The following ZNF69 variants were observed in gnomAD, a reference collection of about 807,000 sequenced individuals.
The protein encoded by ZNF69 is ZNF3.
ZNF69 carries 47 observed loss-of-function variants against 50.9 expected under a neutral mutation model. The ratio of observed to expected loss-of-function variants is 0.92; its 90% confidence interval spans 0.73 to 1.18. The LOEUF is 1.18. Among genes scored for constraint, ZNF69 ranks in the 50% most tolerant of loss-of-function variants. The pLI is 0.00. For synonymous variants in ZNF69, 216 were observed against 223.1 expected (o/e 0.97, Z 0.29); for missense variants, 717 against 675.1 (o/e 1.06, Z -0.69).
the ZNF69 span, among the ~76,000 whole-genome samples, chr19:11,928,888 T>C: frequency 6.8e-6 from 1 of 147,818 alleles, no homozygotes; most frequent in African/African-American, 2.7e-5. Flanking sequence ...AAGACCAGCC[T>C]GGGCAACATA....
At chr19:11,951,393 T>G in the ZNF69 span, among the ~76,000 whole-genome samples, 1 of 151,688 alleles carries the variant, frequency 6.6e-6, no homozygotes, top group Non-Finnish European at 1.5e-5. Context: ...CTCACCCAGC[T>G]AGTATTCGTA....
chr19:11,903,486 C>A (rs1473827663), intron 1 of ZNF69, 87 bp from the exon 2 acceptor site: 9 of 1,572,422 alleles, frequency 5.7e-6, no homozygotes, highest in Non-Finnish European at 7.7e-6. Context: ...GAGTCCACGG[C>A]ATCCTGAGAA....
chr19:11,960,266 C>T, the ZNF69 span, among the ~76,000 whole-genome samples: 7 of 152,290 alleles, frequency 4.6e-5, no homozygotes, highest in South Asian at 2.1e-4. Context: ...GATCTGCCCG[C>T]CTTGGCCTCC....
chr19:11,968,623 A>T, the ZNF69 span, among the ~76,000 whole-genome samples: 1 of 152,086 alleles, frequency 6.6e-6, no homozygotes, highest in African/African-American at 2.4e-5. Flanking sequence ...TTTCCTTTTC[A>T]ATTTAAAAAA....
At chr19:11,940,659 G>C in the ZNF69 span, among the ~76,000 whole-genome samples, 6 of 152,292 alleles carry the variant, frequency 3.9e-5, no homozygotes, top group East Asian at 9.6e-4. Context: ...AGCTTCCACA[G>C]TGTGGAAGGG....
chr19:11,972,724 T>G, the ZNF69 span, among the ~76,000 whole-genome samples: 2 of 152,192 alleles, frequency 1.3e-5, no homozygotes, highest in Non-Finnish European at 2.9e-5. Context: ...AGTGGTTGTT[T>G]GCCCAAAACG....
chr19:11,949,830 T>G, the ZNF69 span: 6 of 1,592,094 alleles, frequency 3.8e-6, no homozygotes, highest in Middle Eastern at 1.7e-4. Flanking sequence ...AAGCCTTCAG[T>G]TGTGCCTCAA....
chr19:11,966,635 G>T, the ZNF69 span, among the ~76,000 whole-genome samples: 1 of 152,088 alleles, frequency 6.6e-6, no homozygotes, highest in Non-Finnish European at 1.5e-5. Flanking sequence ...CGGCCTCCCA[G>T]TGTGCGGGGA....
At chr19:11,962,534 A>T in the ZNF69 span, among the ~76,000 whole-genome samples, 1 of 151,998 alleles carries the variant, frequency 6.6e-6, no homozygotes, top group South Asian at 2.1e-4. Context: ...CTGTTTTTAA[A>T]TTTTTTTGTA....
At chr19:11,902,382 A>T (rs966413855) in intron 1 of ZNF69, among the ~76,000 whole-genome samples, 1 of 152,072 alleles carries the variant, frequency 6.6e-6, no homozygotes, top group South Asian at 2.1e-4. Flanking sequence ...GGGTGGCTGC[A>T]TTGCTCATTA....
At chr19:11,895,711 A>T (rs948096335) in intron 1 of ZNF69, among the ~76,000 whole-genome samples, 7 of 152,238 alleles carry the variant, frequency 4.6e-5, no homozygotes, top group African/African-American at 1.7e-4. Context: ...AGTTAAATCC[A>T]TAAAGAAAAT....
the ZNF69 span, among the ~76,000 whole-genome samples, chr19:11,954,164 A>G: frequency 8.5e-5 from 13 of 152,180 alleles, no homozygotes; most frequent in South Asian, 2.7e-3. Context: ...CCCACCCAAC[A>G]ATAAGACAAA....
chr19:11,955,787 G>A, the ZNF69 span, among the ~76,000 whole-genome samples: 49 of 152,222 alleles, frequency 3.2e-4, 1 homozygote, highest in South Asian at 9.6e-3. Context: ...AACTTGTAAC[G>A]GTGGATAACT....
At chr19:11,979,816 A>T in the ZNF69 span, 2 of 1,571,328 alleles carry the variant, frequency 1.3e-6, no homozygotes, top group African/African-American at 1.4e-5. Context: ...AATGTGGGAA[A>T]GCCTTCAGAT....
the ZNF69 span, among the ~76,000 whole-genome samples, chr19:11,924,112 T>C: frequency 1.3e-5 from 2 of 152,068 alleles, no homozygotes; most frequent in African/African-American, 2.4e-5. Flanking sequence ...CATGGGGTCG[T>C]TGGGGTCAGA....
the ZNF69 span, chr19:11,947,184 C>A: frequency 6.2e-7 from 1 of 1,613,620 alleles, no homozygotes; most frequent in East Asian, 2.2e-5. Context: ...GTTTCAGGAC[C>A]CAGTGGCCTT....
intron 1 of ZNF69, among the ~76,000 whole-genome samples, chr19:11,899,793 AT>A (rs1972204845): frequency 6.6e-6 from 1 of 152,052 alleles, no homozygotes; most frequent in Non-Finnish European, 1.5e-5. Flanking sequence ...GACCATGCTT[AT>A]TTTCTTCAGA....
chr19:11,906,765 C>G (rs556111662), downstream of ZNF69, among the ~76,000 whole-genome samples: 2 of 152,356 alleles, frequency 1.3e-5, no homozygotes, highest in African/African-American at 4.8e-5. Flanking sequence ...ATCAGAGCGC[C>G]TCTTCTCCTC....
the ZNF69 span, among the ~76,000 whole-genome samples, chr19:11,928,517 G>A: frequency 0.17 from 25,401 of 149,596 alleles, 4,757 homozygotes; most frequent in African/African-American, 0.47. Flanking sequence ...CGGATCACGA[G>A]GTCAGGAGAT....
Sources: allele counts gnomAD v4.1 joint callset (sites outside exome capture counted in the v4.1 genomes callset), GRCh38; gene constraint gnomAD v4.1.1; transcripts MANE v1.5; gene names NCBI Gene and HGNC (gene_info 2026-07-23, HGNC 2026-07-21).